Variants in CNNM4 observed in about 807,000 individuals in gnomAD.
CNNM4 encodes the protein cyclin and CBS domain divalent metal cation transport mediator 4, also known as metal transporter CNNM4.
Under a neutral mutation model 53.7 loss-of-function variants are expected in CNNM4, and 32 were observed. The ratio of observed to expected loss-of-function variants is 0.60; its 90% CI spans 0.45 to 0.80. The LOEUF (loss-of-function observed/expected upper bound fraction) is 0.80, where lower values mean the gene tolerates loss of function less well. Among genes scored for constraint, CNNM4 ranks in the 30% least tolerant of loss-of-function variants. CNNM4 has a pLI of 0.00. For missense variants in CNNM4, 784 were observed against 1,022.0 expected (o/e 0.77, Z 3.17); for synonymous variants, 410 against 440.0 (o/e 0.93, Z 0.85).
At chr2:96,766,890 C>T (rs1364719836) in intron 1 of CNNM4, among the ~76,000 whole-genome samples, 1 of 152,180 alleles carries the variant, frequency 6.6e-6, no homozygotes, top group Non-Finnish European at 1.5e-5. Context: ...GTGTTGTGCA[C>T]TTACCGGGTT....
intron 1 of CNNM4, among the ~76,000 whole-genome samples, chr2:96,773,938 T>G (rs758654027): frequency 5.9e-5 from 9 of 151,930 alleles, no homozygotes; most frequent in Non-Finnish European, 1.2e-4. Context: ...TATAATTATA[T>G]GCTAATTCAG....
chr2:96,790,003 ATTTTTTTT>A (rs1014369887), intron 1 of CNNM4, among the ~76,000 whole-genome samples: 3 of 61,724 alleles, frequency 4.9e-5, no homozygotes, highest in Non-Finnish European at 9.0e-5. Flanking sequence ...CCGGGCTAGA[ATTTTTTTT>A]TTTTTTTTTT....
intron 1 of CNNM4, among the ~76,000 whole-genome samples, chr2:96,764,758 C>T (rs1028772847): frequency 1.3e-5 from 2 of 152,050 alleles, no homozygotes; most frequent in Non-Finnish European, 2.9e-5. Context: ...GAGGGCGAGG[C>T]GGACAGATCA....
At chr2:96,781,331 G>A (rs2078973920) in intron 1 of CNNM4, among the ~76,000 whole-genome samples, 1 of 151,830 alleles carries the variant, frequency 6.6e-6, no homozygotes, top group South Asian at 2.1e-4. Context: ...CTCCTGAAGT[G>A]CTGGGATTAC....
chr2:96,764,836 A>C (rs1004298083), intron 1 of CNNM4, among the ~76,000 whole-genome samples: 2 of 151,738 alleles, frequency 1.3e-5, no homozygotes, highest in African/African-American at 4.8e-5. Flanking sequence ...AAATACAAAA[A>C]ATTATCCAGC....
intron 1 of CNNM4, among the ~76,000 whole-genome samples, chr2:96,766,399 A>G (rs2078819196): frequency 6.6e-6 from 1 of 152,108 alleles, no homozygotes; most frequent in South Asian, 2.1e-4. Flanking sequence ...TAAACACACC[A>G]GGATGCTCCC....
intron 1 of CNNM4, among the ~76,000 whole-genome samples, chr2:96,779,181 ATC>A (rs1488057507): frequency 1.3e-5 from 2 of 152,096 alleles, no homozygotes; most frequent in Non-Finnish European, 2.9e-5. Flanking sequence ...GATGGTCTCG[ATC>A]TCCTGAGCTC....
chr2:96,784,623 A>G (rs2079001351), intron 1 of CNNM4, among the ~76,000 whole-genome samples: 1 of 152,346 alleles, frequency 6.6e-6, no homozygotes. Flanking sequence ...AGCTTCACCC[A>G]CTATGGGCTT....
chr2:96,768,312 G>A (rs557869194), intron 1 of CNNM4, among the ~76,000 whole-genome samples: 1 of 152,150 alleles, frequency 6.6e-6, no homozygotes, highest in Non-Finnish European at 1.5e-5. Flanking sequence ...AACAGTGACC[G>A]TTTTGAAGCC....
At chr2:96,795,038 C>T (rs1199456585) in intron 1 of CNNM4, among the ~76,000 whole-genome samples, 1 of 152,238 alleles carries the variant, frequency 6.6e-6, no homozygotes, top group Non-Finnish European at 1.5e-5. Context: ...TGCCCAATGG[C>T]GTGTATTCTG....
rs375472463 is a variant in CNNM4, at chr2:96,761,311, G to A, written c.312G>A (p.Lys104=). The change falls in exon 1 of 7, where the codon AAG becomes AAA. Residue 104 remains lysine, a synonymous_variant. Coordinates refer to ENST00000377075, the MANE Select transcript of CNNM4 (RefSeq NM_020184.4). The surrounding 1 kb of genome is among the most constrained non-coding windows in gnomAD (Gnocchi z 6.0). ...TEVDDAETLH[K]STSCLELTKD... is the part of the protein sequence containing the mutation. ...TGGACGATGCCGAGACCCTCCACAA[G>A]TCCACCAGCTGCCTCGAGCTCACCA... 2 of 1,613,998 alleles carry A rather than the reference G, an allele frequency of 1.2e-6. No individual in the cohort carries two copies. The highest frequency in any genetic ancestry group is 1.1e-5 in the South Asian group (1 of 91,084).
Position 96,761,540 on chromosome 2 carries a change from C to A in CNNM4, c.541C>A (p.Pro181Thr). 6.2e-7 allele frequency: 1 copy of A among 1,614,040 alleles called. No homozygotes were observed. Among genetic ancestry groups the A allele is most frequent in the Non-Finnish European group, 8.5e-7 (1 of 1,179,934 alleles). Residue 181 changes from proline (P) to threonine (T), a missense_variant, in exon 1 of 7, where the codon CCT becomes ACT. Coordinates refer to ENST00000377075, the MANE Select transcript of CNNM4 (RefSeq NM_020184.4). The surrounding 1 kb of genome is among the most constrained non-coding windows in gnomAD (Gnocchi z 6.0). ...GGTGGAGGAGCCTGGGAGGTTCCTG[C>A]CTCTCTGGCTGCACATTCTCCTAAT... is the stretch of plus-strand genomic sequence containing the variant. ...FMVEEPGRFL[P>T]LWLHILLITV...
rs1162476580 is a variant in CNNM4, at chr2:96,800,670, C to G, written c.1948+1022C>G. 6.6e-6 allele frequency among the ~76,000 whole-genome samples: 1 copy of G among 152,242 alleles called. No individual in the cohort carries two copies. Among genetic ancestry groups the G allele is most frequent in the Non-Finnish European group, 1.5e-5 (1 of 68,036 alleles). ...TCAGGCCTGGGGATGACTTCCTGTG[C>G]CTCCAAGAGCAGCTGTTCTCTGTTC... On this transcript the variant is annotated intron_variant, in intron 5 of 6. Transcript: ENST00000377075. The surrounding 1 kb of genome is among the most constrained non-coding windows in gnomAD (Gnocchi z 4.6).
intron 5 of CNNM4, among the ~76,000 whole-genome samples, chr2:96,803,043 T>C (rs1429294974): frequency 6.6e-6 from 1 of 152,234 alleles, no homozygotes; most frequent in Non-Finnish European, 1.5e-5. Flanking sequence ...CAGCTGGGCC[T>C]TCTTCCATCT....
At position 96,810,379 on chromosome 2, in the gene CNNM4, C is replaced by G. The variant is rs1281476911; in HGVS notation, c.*862C>G. 2 of 152,716 alleles carry G rather than the reference C, an allele frequency of 1.3e-5. No individual in the cohort carries two copies. Among genetic ancestry groups the G allele is most frequent in the Admixed American group, 6.5e-5 (1 of 15,292 alleles). The allele number at this position is 152,716 out of a possible 1,614,324, so 9.5% of individuals were successfully genotyped here. A position where few individuals can be genotyped will look rare whatever the true frequency, so the allele number is the denominator to read the frequency against. On this transcript the variant is annotated 3_prime_UTR_variant, in exon 7 of 7. Coordinates refer to ENST00000377075, the MANE Select transcript of CNNM4 (RefSeq NM_020184.4). The surrounding 1 kb of genome is among the most constrained non-coding windows in gnomAD (Gnocchi z 4.1). ...GTCTCAGGCCTTTGATTGCTCACCC[C>G]TGCTCCCCAGGCCCTGCCCTCACTT...
Position 96,809,496 on chromosome 2 carries a change from C to G in CNNM4, c.2307C>G (p.Ala769=). The G allele has an allele frequency of 6.2e-7, 1 of 1,614,236 alleles. No individual in the cohort carries two copies. The highest frequency in any genetic ancestry group is 8.5e-7 in the Non-Finnish European group (1 of 1,180,040). ...LNERNSLLHK[A]SHENAI is the part of the protein sequence containing the mutation. The stretch of plus-strand genomic sequence containing the variant: ...AGCGTAACTCCTTGCTGCACAAAGC[C>G]TCCCACGAGAATGCCATCTGACAGG... Residue 769 remains alanine, a synonymous_variant, in exon 7 of 7, where the codon GCC becomes GCG. Coordinates refer to ENST00000377075, the MANE Select transcript of CNNM4 (RefSeq NM_020184.4).
At chr2:96,769,397 C>T (rs141210929) in intron 1 of CNNM4, among the ~76,000 whole-genome samples, 1,789 of 151,186 alleles carry the variant, frequency 0.012, 29 homozygotes, top group African/African-American at 0.04. Context: ...GGTGAAACCC[C>T]GTCTCTACTA....
chr2:96,789,767 A>T (rs2079044309), intron 1 of CNNM4, among the ~76,000 whole-genome samples: 1 of 150,848 alleles, frequency 6.6e-6, no homozygotes, highest in East Asian at 2.0e-4. Flanking sequence ...ATCTCGGCTC[A>T]CTGCAACCTC....
rs2079111980 is a variant in CNNM4 at position 96,797,222 on chromosome 2, C to G, written c.1546+67C>G. On this transcript the variant is annotated intron_variant, in intron 2 of 6. Coordinates refer to ENST00000377075, the MANE Select transcript of CNNM4 (RefSeq NM_020184.4). This position sits in a 1 kb window ranked among gnomAD's most constrained non-coding sequence, Gnocchi z 6.0. ...TTGGATCGAAACTTGGTGTCCCTAG[C>G]TGGAAGGGCCATAGTGCAGGGACAC... The G allele has an allele frequency of 2.5e-6, 4 of 1,600,326 alleles. No homozygotes were observed. The highest frequency in any genetic ancestry group is 3.4e-6 in the Non-Finnish European group (4 of 1,170,230).
Sources: allele counts gnomAD v4.1 joint callset (sites outside exome capture counted in the v4.1 genomes callset), GRCh38; gene constraint gnomAD v4.1.1; non-coding constraint Gnocchi (gnomAD v3.1); transcripts MANE v1.5; gene names NCBI Gene and HGNC (gene_info 2026-07-23, HGNC 2026-07-21).